VTA1: variants seen among roughly 807,000 people sequenced by gnomAD.
The protein encoded by VTA1 is vacuolar protein sorting-associated protein VTA1 homolog.
VTA1 carries 24 observed loss-of-function variants against 36.9 expected under a neutral mutation model. The ratio of observed to expected loss-of-function variants is 0.65; its 90% CI spans 0.47 to 0.91. The LOEUF (loss-of-function observed/expected upper bound fraction) is 0.91, where lower values mean the gene tolerates loss of function less well. VTA1 is among the 40% of genes least tolerant of loss of function. The pLI is 0.00. For missense variants in VTA1, 393 were observed against 377.2 expected (o/e 1.04, Z -0.35); for synonymous variants, 142 against 130.2 (o/e 1.09, Z -0.62).
At chr6:142,193,119 G>A (rs1775484668) in intron 5 of VTA1, among the ~76,000 whole-genome samples, 1 of 151,994 alleles carries the variant, frequency 6.6e-6, no homozygotes, top group South Asian at 2.1e-4. Context: ...AGCTCCCCAG[G>A]ATTTCTAGTG....
intron 5 of VTA1, among the ~76,000 whole-genome samples, chr6:142,198,111 A>G (rs1775594501): frequency 2.1e-5 from 2 of 93,512 alleles, no homozygotes; most frequent in African/African-American, 7.8e-5. Context: ...AAAAATATAT[A>G]TATATATATG....
chr6:142,181,094 A>AAAAAAAAAATATATATAT (rs1471429927), intron 4 of VTA1, among the ~76,000 whole-genome samples: 1 of 36,424 alleles, frequency 2.7e-5, no homozygotes, highest in Non-Finnish European at 5.8e-5. Context: ...AAAAAAAAAA[A>AAAAAAAAAATATATATAT]ATATATATAT....
chr6:142,196,935 C>A (rs1775562942), intron 5 of VTA1, among the ~76,000 whole-genome samples: 1 of 152,116 alleles, frequency 6.6e-6, no homozygotes, highest in South Asian at 2.1e-4. Context: ...TAGAGTCTTA[C>A]CTGAGTGTGC....
At chr6:142,173,533 G>A (rs1775065207) in intron 4 of VTA1, among the ~76,000 whole-genome samples, 1 of 152,156 alleles carries the variant, frequency 6.6e-6, no homozygotes, top group African/African-American at 2.4e-5. Context: ...GTTCTTATTT[G>A]GGGAAGCTAC....
intron 4 of VTA1, among the ~76,000 whole-genome samples, chr6:142,186,773 TAATA>T (rs1435646015): frequency 6.6e-6 from 1 of 152,022 alleles, no homozygotes; most frequent in Non-Finnish European, 1.5e-5. Flanking sequence ...AATTTAAGAA[TAATA>T]AATTTATCAA....
chr6:142,154,358 C>T lies in VTA1; in HGVS notation c.112+6959C>T, dbSNP rs560410032. ...AGAATTTCACCCTATGTGTATACTA[C>T]AGTGTAACAGTTTAATCATTGAAGA... On this transcript the variant is annotated intron_variant, in intron 1 of 7. Coordinates refer to ENST00000367630, the MANE Select transcript of VTA1 (RefSeq NM_016485.5). Among the ~76,000 whole-genome samples, 26 of 152,160 alleles carry T rather than the reference C, an allele frequency of 1.7e-4. No homozygotes were observed. The South Asian group carries it at 5.2e-3, about 30-fold the overall frequency.
rs376226620 is a variant in VTA1 at position 142,150,940 on chromosome 6, A to G, written c.112+3541A>G. Among the ~76,000 whole-genome samples, 4 of 152,000 alleles carry G rather than the reference A, an allele frequency of 2.6e-5. No homozygotes were observed. In the East Asian group the frequency reaches 5.8e-4, roughly 22 times the overall value. ...AAAAAAAAAAAAAAGCTAAGCATGA[A>G]AGGTTCCAAAAGAGCATTCTAATTT... On this transcript the variant is annotated intron_variant, in intron 1 of 7. Transcript: ENST00000367630.
At chr6:142,213,603 A>G (rs1161824435) in intron 7 of VTA1, among the ~76,000 whole-genome samples, 1 of 152,222 alleles carries the variant, frequency 6.6e-6, no homozygotes, top group Non-Finnish European at 1.5e-5. Flanking sequence ...AGTGCAGCAC[A>G]CTTCTGCCTA....
In VTA1 at chr6:142,180,554, TAAA is replaced by T. The variant is rs539678120; in HGVS notation, c.412-8869_412-8867del. On this transcript the variant is annotated intron_variant, in intron 4 of 7. Transcript: ENST00000367630. Reference sequence around the variant, plus strand: ...TAAAAGTAGTAGGTGGAAAGTTTGATAAAAAGAAGTATATTTACATGTCTCTGA... The same window carrying T: ...TAAAAGTAGTAGGTGGAAAGTTTGATAAGAAGTATATTTACATGTCTCTGA... Among the ~76,000 whole-genome samples, 438 of 152,272 alleles carry T rather than the reference TAAA, an allele frequency of 2.9e-3. 2 individuals are homozygous for T. The highest frequency in any genetic ancestry group is 9.7e-3 in the African/African-American group (404 of 41,540).
At chr6:142,203,484 T>C (rs955036166) in intron 6 of VTA1, among the ~76,000 whole-genome samples, 4 of 152,152 alleles carry the variant, frequency 2.6e-5, no homozygotes, top group Non-Finnish European at 5.9e-5. Flanking sequence ...TTCATTGATA[T>C]GACAGTTTTG....
At position 142,175,372 on chromosome 6, in the gene VTA1, TCA is replaced by T. The variant is rs771977459; in HGVS notation, c.411+4953_411+4954del. Among the ~76,000 whole-genome samples the T allele has an allele frequency of 5.9e-5, 9 of 152,106 alleles. No homozygotes were observed. The South Asian group carries it at 1.0e-3, about 18-fold the overall frequency. On this transcript the variant is annotated intron_variant, in intron 4 of 7. Coordinates refer to ENST00000367630, the MANE Select transcript of VTA1 (RefSeq NM_016485.5). ...AGTCCTACTTTGTAGACCAGGCTGC[TCA>T]CTGTCTTCTCATTTTTCACCTTTGG...
rs1173528606 is a variant in VTA1, at chr6:142,218,803, G to A, written c.*160G>A. 2.7e-5 allele frequency: 22 copies of A among 807,294 alleles called. No individual in the cohort carries two copies. Among genetic ancestry groups the A allele is most frequent in the Non-Finnish European group, 4.0e-5 (22 of 555,134 alleles). 50.0% of individuals were successfully genotyped at this position (807,294 alleles called of 1,614,324 possible). ...CAGATTTTTATTGAAGCATTCATCA[G>A]CAGCCTCAACCAGTTTTCATTGTCC... On this transcript the variant is annotated 3_prime_UTR_variant, in exon 8 of 8. Coordinates refer to ENST00000367630, the MANE Select transcript of VTA1 (RefSeq NM_016485.5).
At chr6:142,211,395 A>G (rs188128649) in intron 7 of VTA1, among the ~76,000 whole-genome samples, 4 of 152,334 alleles carry the variant, frequency 2.6e-5, no homozygotes, top group Admixed American at 6.5e-5. Flanking sequence ...TTTTAAATGC[A>G]TGACCTATAA....
chr6:142,170,055 A>G (rs1308085034), intron 3 of VTA1, among the ~76,000 whole-genome samples: 1 of 152,180 alleles, frequency 6.6e-6, no homozygotes, highest in Non-Finnish European at 1.5e-5. Flanking sequence ...AAAGAAATAC[A>G]TTATGGTTTG....
At chr6:142,153,570 T>G (rs1778607677) in intron 1 of VTA1, among the ~76,000 whole-genome samples, 1 of 152,102 alleles carries the variant, frequency 6.6e-6, no homozygotes, top group African/African-American at 2.4e-5. Flanking sequence ...TTATCACTTT[T>G]TAAAATTACC....
At chr6:142,168,304 A>G (rs1449154831) in intron 2 of VTA1, among the ~76,000 whole-genome samples, 1 of 152,080 alleles carries the variant, frequency 6.6e-6, no homozygotes, top group African/African-American at 2.4e-5. Context: ...CAGGATAAAC[A>G]TAGATAAAAT....
chr6:142,162,011 A>G (rs1774818666), intron 1 of VTA1, among the ~76,000 whole-genome samples: 1 of 152,212 alleles, frequency 6.6e-6, no homozygotes, highest in Non-Finnish European at 1.5e-5. Context: ...AGATATTACC[A>G]TATAATAATG....
intron 4 of VTA1, among the ~76,000 whole-genome samples, chr6:142,187,325 A>AATATATTT (rs1229155102): frequency 1.3e-5 from 2 of 152,156 alleles, no homozygotes; most frequent in Non-Finnish European, 2.9e-5. Flanking sequence ...CAGGGCTTTT[A>AATATATTT]ATATATTTAC....
At chr6:142,165,338 C>T (rs1334797966) in intron 1 of VTA1, among the ~76,000 whole-genome samples, 1 of 152,154 alleles carries the variant, frequency 6.6e-6, no homozygotes, top group Non-Finnish European at 1.5e-5. Context: ...GGCACAGAGA[C>T]TATGACCCAA....
Sources: allele counts gnomAD v4.1 joint callset (sites outside exome capture counted in the v4.1 genomes callset), GRCh38; gene constraint gnomAD v4.1.1; transcripts MANE v1.5; gene names NCBI Gene and HGNC (gene_info 2026-07-23, HGNC 2026-07-21).